DNAH8: variants seen among roughly 807,000 people sequenced by gnomAD.
DNAH8 encodes axonemal beta dynein heavy chain 8.
DNAH8 carries 382 observed loss-of-function variants against 562.1 expected under a neutral mutation model. The observed-to-expected ratio is 0.68, with a 90% confidence interval of 0.63 to 0.74. The LOEUF is 0.74. DNAH8 is among the 30% of genes least tolerant of loss of function. The pLI is 0.00. For missense variants in DNAH8, 5,203 were observed against 5,620.4 expected, an observed-to-expected ratio of 0.93 and a Z score of 2.37; for synonymous variants, 1,881 against 1,919.4, an observed-to-expected ratio of 0.98 and a Z score of 0.52.
chr6:38,805,667 G>T, intron 23 of DNAH8, 71 bp downstream of exon 23: 1 of 835,496 alleles, frequency 1.2e-6, no homozygotes, highest in Admixed American at 2.7e-5. Flanking sequence ...AACCCCATAT[G>T]GTGCTTTTTC....
chr6:38,923,200 C>A lies in DNAH8; in HGVS notation c.10790+15C>A. 1 of 1,611,416 alleles carries A rather than the reference C, an allele frequency of 6.2e-7. No homozygotes were observed. On this transcript the variant is annotated intron_variant, in intron 72 of 92. Coordinates refer to ENST00000327475, the MANE Select transcript of DNAH8 (RefSeq NM_001206927.2). The stretch of plus-strand genomic sequence containing the variant: ...CAGATTAATAGGTGGGAATCTGGGT[C>A]TTCTTCATAATCACTCTTTCTTTGT...
intron 4 of DNAH8, among the ~76,000 whole-genome samples, chr6:38,732,689 T>G (rs1477608626): frequency 6.6e-6 from 1 of 152,184 alleles, no homozygotes; most frequent in Non-Finnish European, 1.5e-5. Flanking sequence ...ATCCCTTTTT[T>G]TCTTTATGTG....
intron 85 of DNAH8, among the ~76,000 whole-genome samples, chr6:38,981,490 T>C (rs561659091): frequency 2.2e-4 from 34 of 152,228 alleles, no homozygotes; most frequent in Non-Finnish European, 4.6e-4. Flanking sequence ...TTTGATTAAG[T>C]AGAGGGAAAC....
chr6:38,806,698 G>A (rs1381568223), intron 23 of DNAH8, among the ~76,000 whole-genome samples: 3 of 151,890 alleles, frequency 2.0e-5, no homozygotes, highest in African/African-American at 4.8e-5. Flanking sequence ...GGAGAATGGC[G>A]TGAACCCGGG....
intron 85 of DNAH8, among the ~76,000 whole-genome samples, chr6:38,981,165 A>T (rs1042993977): frequency 2.0e-5 from 3 of 152,240 alleles, no homozygotes; most frequent in East Asian, 3.9e-4. Flanking sequence ...TCTACTCTCC[A>T]CATGAGTCCT....
At chr6:38,872,045 C>T (rs1453503745) in intron 49 of DNAH8, among the ~76,000 whole-genome samples, 1 of 152,202 alleles carries the variant, frequency 6.6e-6, no homozygotes, top group Non-Finnish European at 1.5e-5. Context: ...CTGGTTTCTC[C>T]TGGGAGCACT....
intron 88 of DNAH8, among the ~76,000 whole-genome samples, chr6:38,993,648 C>A (rs540273947): frequency 2.6e-5 from 4 of 151,280 alleles, no homozygotes; most frequent in East Asian, 3.9e-4. Flanking sequence ...TTGTTATTAC[C>A]CTTTCTTATA....
intron 91 of DNAH8, among the ~76,000 whole-genome samples, chr6:39,025,674 A>G (rs956430195): frequency 2.0e-5 from 3 of 152,200 alleles, no homozygotes; most frequent in Non-Finnish European, 4.4e-5. Flanking sequence ...TTGTGCATAC[A>G]TTGGTATGTG....
chr6:38,909,747 A>G lies in DNAH8; in HGVS notation c.9740+3A>G. The G allele has an allele frequency of 1.2e-6, 2 of 1,611,214 alleles. No homozygotes were observed. Among genetic ancestry groups the G allele is most frequent in the South Asian group, 1.1e-5 (1 of 91,022 alleles). ...AGCTGTGAAAGTTATTTCCAAAGGT[A>G]AGTGATATTACATAAGCACCATCGC... On this transcript the variant is annotated splice_donor_region_variant and intron_variant, in intron 65 of 92. Transcript: ENST00000327475.
chr6:38,790,532 A>G, intron 20 of DNAH8, 127 bp downstream of exon 20: 1 of 508,290 alleles, frequency 2.0e-6, no homozygotes, highest in Non-Finnish European at 3.4e-6. Flanking sequence ...GGTTTAAAAT[A>G]TCATGTTTTG....
At chr6:38,815,747 C>A (rs2150321328) in intron 26 of DNAH8, 90 bp downstream of exon 26, 2 of 1,185,502 alleles carry the variant, frequency 1.7e-6, no homozygotes, top group Non-Finnish European at 2.3e-6. Flanking sequence ...TGTTTGATAC[C>A]TTTTGCATTT....
At chr6:38,787,191 C>A (rs138176935) in intron 18 of DNAH8, among the ~76,000 whole-genome samples, 1 of 151,840 alleles carries the variant, frequency 6.6e-6, no homozygotes. Flanking sequence ...TAATGACTGA[C>A]GAAATAGCAA....
At chr6:38,721,680 T>C (rs1307676284) in intron 1 of DNAH8, among the ~76,000 whole-genome samples, 6 of 152,194 alleles carry the variant, frequency 3.9e-5, no homozygotes, top group Non-Finnish European at 8.8e-5. Flanking sequence ...AGTTTGTCCT[T>C]GAGTAGGCCA....
At chr6:38,958,295 G>A (rs1012388205) in intron 82 of DNAH8, among the ~76,000 whole-genome samples, 4 of 151,586 alleles carry the variant, frequency 2.6e-5, no homozygotes, top group Admixed American at 6.6e-5. Context: ...GTGAGCCACC[G>A]CGCCCGGCCG....
At chr6:38,842,279 A>G (rs1774867871) in intron 33 of DNAH8, 89 bp from the exon 34 acceptor site, 1 of 1,062,556 alleles carries the variant, frequency 9.4e-7, no homozygotes, top group Non-Finnish European at 1.4e-6. Context: ...AATGTATGAA[A>G]TATTTGATTG....
intron 58 of DNAH8, among the ~76,000 whole-genome samples, chr6:38,893,568 A>G (rs1328788760): frequency 6.6e-6 from 1 of 151,618 alleles, no homozygotes; most frequent in East Asian, 1.9e-4. Context: ...TTGTAATATA[A>G]CTATATGTTT....
chr6:38,728,953 C>T (rs1226410664), intron 3 of DNAH8, among the ~76,000 whole-genome samples: 1 of 152,124 alleles, frequency 6.6e-6, no homozygotes, highest in Non-Finnish European at 1.5e-5. Flanking sequence ...TACCTATAAT[C>T]CCGGCATTTT....
chr6:38,937,878 G>A, intron 77 of DNAH8, 96 bp from the exon 78 acceptor site: 1 of 1,438,162 alleles, frequency 7.0e-7, no homozygotes, highest in Non-Finnish European at 9.4e-7. Flanking sequence ...ACATCAAGTT[G>A]AAAGCTAACA....
At chr6:38,744,813 G>A (rs1041098632) in intron 8 of DNAH8, among the ~76,000 whole-genome samples, 2 of 152,006 alleles carry the variant, frequency 1.3e-5, no homozygotes, top group African/African-American at 4.8e-5. Context: ...GCCCAGGCTG[G>A]TCTCAAACTC....
Sources: allele counts gnomAD v4.1 joint callset (sites outside exome capture counted in the v4.1 genomes callset), GRCh38; gene constraint gnomAD v4.1.1; transcripts MANE v1.5; gene names NCBI Gene and HGNC (gene_info 2026-07-23, HGNC 2026-07-21).